CDK19: variants seen among roughly 807,000 people sequenced by gnomAD.
CDK19 encodes the protein cyclin dependent kinase 19, also known as cyclin-dependent kinase 19.
Under a neutral mutation model 68.3 loss-of-function variants are expected in CDK19, and 20 were observed. That is an observed-to-expected ratio of 0.29 (90% confidence interval 0.21 to 0.43). The LOEUF (loss-of-function observed/expected upper bound fraction) is 0.43. Among genes scored for constraint, CDK19 ranks in the 20% least tolerant of loss-of-function variants. The probability of loss-of-function intolerance (pLI) is 1.00; values close to 1 mark genes in which losing one functional copy is unlikely to be tolerated. For missense variants in CDK19, 339 were observed against 623.5 expected (o/e 0.54, Z 4.86); for synonymous variants, 221 against 222.8 (o/e 0.99, Z 0.07).
rs572528249 is a variant in CDK19 at position 110,748,272 on chromosome 6, C to T, written c.129-2071G>A. Among the ~76,000 whole-genome samples the T allele has an allele frequency of 5.9e-5, 9 of 152,252 alleles. No homozygotes were observed. In the South Asian group the frequency reaches 1.7e-3, roughly 28 times the overall value. On this transcript the variant is annotated intron_variant, in intron 1 of 12. Transcript: ENST00000368911. ...TAAGTCAAAAAGTGCAAAATTAACACATCAAATTAATGGCTTTTGAATTTC... is the reference window on the plus strand; with the variant it reads ...TAAGTCAAAAAGTGCAAAATTAACATATCAAATTAATGGCTTTTGAATTTC...
At position 110,750,280 on chromosome 6, in the gene CDK19, C is replaced by T. The variant is rs139731556; in HGVS notation, c.129-4079G>A. On this transcript the variant is annotated intron_variant, in intron 1 of 12. Transcript: ENST00000368911. ...CTGGATGAGTAGAACAGAATGTTAG[C>T]TCTGAAAGGGATCTAAGACAATCCT... 7.5e-3 allele frequency among the ~76,000 whole-genome samples: 857 copies of T among 114,910 alleles called. 89 individuals are homozygous for T. The highest frequency in any genetic ancestry group is 0.026 in the African/African-American group (833 of 32,628). 75.4% of individuals were successfully genotyped at this position (114,910 alleles called of 152,430 possible).
chr6:110,717,129 AAAAT>A (rs534981366), intron 2 of CDK19, among the ~76,000 whole-genome samples: 1 of 152,292 alleles, frequency 6.6e-6, no homozygotes, highest in East Asian at 1.9e-4. Flanking sequence ...CTCTCTCTCA[AAAAT>A]AAATAATAAA....
At chr6:110,753,471 C>G (rs991268348) in intron 1 of CDK19, among the ~76,000 whole-genome samples, 1 of 151,574 alleles carries the variant, frequency 6.6e-6, no homozygotes, top group African/African-American at 2.4e-5. Context: ...ACAGCCTCGA[C>G]CTCCCAGACT....
Position 110,621,230 on chromosome 6 carries a change from C to G in CDK19, c.1251G>C (p.Gly417=), listed in dbSNP as rs1778694048. Residue 417 remains glycine (G), a synonymous_variant, in exon 12 of 13, where the codon GGG becomes GGC. Transcript: ENST00000368911. This position sits in a 1 kb window ranked among gnomAD's most constrained non-coding sequence, Gnocchi z 5.4. ...TGTGCTGCAACCCTGCTCCGGTGCCCCCGACCCCGGCCCCAGCCCCACCTG... is the reference window on the plus strand; with the variant it reads ...TGTGCTGCAACCCTGCTCCGGTGCCGCCGACCCCGGCCCCAGCCCCACCTG... ...GTAGGAGAGV[G]GTGAGLQHSQ... 1 of 1,613,070 alleles carries G rather than the reference C, an allele frequency of 6.2e-7. No homozygotes were observed. Among genetic ancestry groups the G allele is most frequent in the Non-Finnish European group, 8.5e-7 (1 of 1,179,970 alleles).
intron 1 of CDK19, chr6:110,773,790 A>C (rs887170822): frequency 2.0e-5 from 3 of 152,110 alleles, no homozygotes; most frequent in Non-Finnish European, 4.4e-5. Context: ...TTACTTAGTG[A>C]TTACACTTGT....
At chr6:110,812,412 G>A (rs942513905) in intron 1 of CDK19, among the ~76,000 whole-genome samples, 2 of 152,112 alleles carry the variant, frequency 1.3e-5, no homozygotes, top group Non-Finnish European at 2.9e-5. Flanking sequence ...GTGAGCCACC[G>A]CACCCGACCC....
At chr6:110,798,708 T>C (rs1286196556) in intron 1 of CDK19, among the ~76,000 whole-genome samples, 1 of 151,274 alleles carries the variant, frequency 6.6e-6, no homozygotes, top group Non-Finnish European at 1.5e-5. Flanking sequence ...AGCAATAGTT[T>C]TGAATGCTGA....
At chr6:110,803,369 G>A (rs952003601) in intron 1 of CDK19, among the ~76,000 whole-genome samples, 3 of 152,100 alleles carry the variant, frequency 2.0e-5, no homozygotes, top group African/African-American at 7.2e-5. Flanking sequence ...GTGAGCCACC[G>A]CGTCCAGCCT....
At chr6:110,634,640 T>C (rs990967713) in intron 5 of CDK19, among the ~76,000 whole-genome samples, 1 of 152,246 alleles carries the variant, frequency 6.6e-6, no homozygotes, top group Non-Finnish European at 1.5e-5. Flanking sequence ...ACCTACTCTT[T>C]TTAAACTACA....
intron 1 of CDK19, among the ~76,000 whole-genome samples, chr6:110,808,760 A>G (rs1203957035): frequency 1.3e-5 from 2 of 152,204 alleles, no homozygotes; most frequent in Non-Finnish European, 2.9e-5. Flanking sequence ...AAATGTATTT[A>G]AATACTGGTA....
chr6:110,670,839 G>A (rs1477187350), intron 2 of CDK19: 1 of 475,886 alleles, frequency 2.1e-6, no homozygotes, highest in Admixed American at 2.7e-5. Context: ...GATTTTAAAT[G>A]GTAAAATGTA....
In CDK19 at chr6:110,610,960, C is replaced by T. The variant is rs1455916187; in HGVS notation, c.*3575G>A. Reference sequence around the variant, plus strand: ...GGCAGCACACATAGGTAAATGTCATCCCTTTCCATTCTTAAGAGTCCATTA... The same window carrying T: ...GGCAGCACACATAGGTAAATGTCATTCCTTTCCATTCTTAAGAGTCCATTA... On this transcript the variant is annotated 3_prime_UTR_variant, in exon 13 of 13. Transcript: ENST00000368911. The T allele has an allele frequency of 6.6e-6, 1 of 152,170 alleles. No individual in the cohort carries two copies. The highest frequency in any genetic ancestry group is 1.5e-5 in the Non-Finnish European group (1 of 68,034). 9.4% of individuals were successfully genotyped at this position (152,170 alleles called of 1,614,324 possible). A position where few individuals can be genotyped will look rare whatever the true frequency, so the allele number is the denominator to read the frequency against.
At chr6:110,629,130 C>G (rs1015627612) in intron 6 of CDK19, among the ~76,000 whole-genome samples, 2 of 152,170 alleles carry the variant, frequency 1.3e-5, no homozygotes, top group African/African-American at 4.8e-5. Flanking sequence ...CCTGGTCATG[C>G]CAATTCCTGG....
chr6:110,619,075 T>C (rs566544525), intron 12 of CDK19, among the ~76,000 whole-genome samples: 35 of 152,276 alleles, frequency 2.3e-4, no homozygotes, highest in Non-Finnish European at 4.3e-4. Context: ...TTCGGTGTAA[T>C]GGGACACCTG....
Position 110,645,209 on chromosome 6 carries a change from G to A in CDK19, c.457-6503C>T, listed in dbSNP as rs562719184. ...TACAAATACTGATCATATACTAGCA[G>A]GTCTCAAGAAATTTCAAGAAATTTT... is the stretch of plus-strand genomic sequence containing the variant. On this transcript the variant is annotated intron_variant, in intron 4 of 12. Transcript: ENST00000368911. Among the ~76,000 whole-genome samples the A allele has an allele frequency of 1.1e-3, 168 of 152,144 alleles. 7 individuals carry two copies. The South Asian group carries it at 0.033, about 30-fold the overall frequency.
At chr6:110,763,092 C>G (rs1003057609) in intron 1 of CDK19, among the ~76,000 whole-genome samples, 6 of 152,106 alleles carry the variant, frequency 3.9e-5, no homozygotes, top group Non-Finnish European at 5.9e-5. Context: ...ATAGTCTTTG[C>G]CCTCCAGAAG....
intron 1 of CDK19, among the ~76,000 whole-genome samples, chr6:110,756,679 T>A (rs2114930607): frequency 6.6e-6 from 1 of 152,264 alleles, no homozygotes; most frequent in South Asian, 2.1e-4. Context: ...ATGTGTATAT[T>A]TACGTGTGTG....
chr6:110,755,335 T>C (rs956678610), intron 1 of CDK19, among the ~76,000 whole-genome samples: 2 of 152,256 alleles, frequency 1.3e-5, no homozygotes, highest in East Asian at 1.9e-4. Context: ...CCACCATGCC[T>C]AGCCCCTTGT....
At chr6:110,811,731 C>G (rs997997963) in intron 1 of CDK19, among the ~76,000 whole-genome samples, 2 of 152,036 alleles carry the variant, frequency 1.3e-5, no homozygotes, top group Non-Finnish European at 2.9e-5. Context: ...GAACTTGTTT[C>G]TCTTCAAGAG....
Sources: allele counts gnomAD v4.1 joint callset (sites outside exome capture counted in the v4.1 genomes callset), GRCh38; gene constraint gnomAD v4.1.1; non-coding constraint Gnocchi (gnomAD v3.1); transcripts MANE v1.5; gene names NCBI Gene and HGNC (gene_info 2026-07-23, HGNC 2026-07-21).